SORCS1: variants seen among roughly 807,000 people sequenced by gnomAD.
SORCS1 encodes VPS10 domain-containing receptor SorCS1.
Under a neutral mutation model 146.1 loss-of-function variants are expected in SORCS1, and 60 were observed. The ratio of observed to expected loss-of-function variants is 0.41; its 90% confidence interval spans 0.33 to 0.51. The LOEUF (loss-of-function observed/expected upper bound fraction) is 0.51, where lower values mean the gene tolerates loss of function less well. SORCS1 is among the 20% of genes least tolerant of loss of function. SORCS1 has a pLI of 0.21. For missense variants in SORCS1, 1,352 were observed against 1,487.6 expected (o/e 0.91, Z 1.50); for synonymous variants, 637 against 584.0 (o/e 1.09, Z -1.31).
chr10:106,796,604 TCTC>T (rs1240772366), intron 3 of SORCS1, among the ~76,000 whole-genome samples: 1 of 152,178 alleles, frequency 6.6e-6, no homozygotes, highest in East Asian at 1.9e-4. Flanking sequence ...ATATCTTTCT[TCTC>T]TTTTCCTGGG....
chr10:107,026,076 A>T (rs1958388712), intron 1 of SORCS1, among the ~76,000 whole-genome samples: 1 of 152,148 alleles, frequency 6.6e-6, no homozygotes, highest in Non-Finnish European at 1.5e-5. Flanking sequence ...CCCCACACAC[A>T]TCAAAAGGAA....
intron 3 of SORCS1, among the ~76,000 whole-genome samples, chr10:106,794,440 G>A (rs1946447578): frequency 6.6e-6 from 1 of 151,894 alleles, no homozygotes; most frequent in Non-Finnish European, 1.5e-5. Context: ...ATTAAACACT[G>A]GAAATATTCC....
intron 1 of SORCS1, among the ~76,000 whole-genome samples, chr10:106,989,211 G>T (rs1251684234): frequency 1.4e-5 from 2 of 143,262 alleles, no homozygotes; most frequent in African/African-American, 5.2e-5. Flanking sequence ...CAGAGAATGA[G>T]GTGAGCTGAG....
At chr10:106,684,752 GT>G (rs1286638378) in intron 10 of SORCS1, among the ~76,000 whole-genome samples, 1 of 152,170 alleles carries the variant, frequency 6.6e-6, no homozygotes, top group Non-Finnish European at 1.5e-5. Context: ...TGTGCTTTCA[GT>G]GACACTGTCA....
At chr10:106,922,253 T>C (rs1041624891) in intron 2 of SORCS1, among the ~76,000 whole-genome samples, 2 of 152,136 alleles carry the variant, frequency 1.3e-5, no homozygotes, top group African/African-American at 2.4e-5. Context: ...CAACTACCAC[T>C]GAGCACTAAC....
intron 3 of SORCS1, among the ~76,000 whole-genome samples, chr10:106,796,964 G>A (rs1200643598): frequency 3.9e-5 from 6 of 152,082 alleles, no homozygotes; most frequent in South Asian, 2.1e-4. Context: ...AAAGTTAGCC[G>A]GGCGTGGTGG....
chr10:107,101,121 G>A (rs998137349), intron 1 of SORCS1, among the ~76,000 whole-genome samples: 23 of 152,042 alleles, frequency 1.5e-4, no homozygotes, highest in Admixed American at 5.9e-4. Flanking sequence ...GTGCAATGGC[G>A]CGATCTCGGC....
intron 22 of SORCS1, among the ~76,000 whole-genome samples, chr10:106,609,847 T>C (rs1846856766): frequency 6.6e-6 from 1 of 152,152 alleles, no homozygotes; most frequent in Non-Finnish European, 1.5e-5. Context: ...GGCTGGACAT[T>C]GCTGAGCTAG....
intron 2 of SORCS1, among the ~76,000 whole-genome samples, chr10:106,946,453 T>C (rs1954350166): frequency 1.3e-5 from 2 of 152,318 alleles, no homozygotes; most frequent in Middle Eastern, 3.4e-3. Flanking sequence ...ACTATTTTCA[T>C]GTTAGTGTGT....
the SORCS1 span, among the ~76,000 whole-genome samples, chr10:107,176,461 G>A: frequency 6.6e-6 from 1 of 151,844 alleles, no homozygotes; most frequent in Non-Finnish European, 1.5e-5. Context: ...TCAGCCTCCT[G>A]AGTAACTGGG....
chr10:107,018,679 T>TAA (rs917638661), intron 1 of SORCS1, among the ~76,000 whole-genome samples: 4 of 144,694 alleles, frequency 2.8e-5, no homozygotes, highest in African/African-American at 7.6e-5. Flanking sequence ...GGAAAAAAAT[T>TAA]AAAAAAAAAA....
chr10:107,153,377 A>C (rs1231965074), intron 1 of SORCS1, among the ~76,000 whole-genome samples: 1 of 152,216 alleles, frequency 6.6e-6, no homozygotes, highest in Non-Finnish European at 1.5e-5. Flanking sequence ...ATATATTTAT[A>C]TGTACTTATA....
intron 1 of SORCS1, among the ~76,000 whole-genome samples, chr10:107,128,767 G>C (rs1170841761): frequency 6.6e-6 from 1 of 152,108 alleles, no homozygotes; most frequent in Non-Finnish European, 1.5e-5. Flanking sequence ...TCATAATGCT[G>C]ATGCGTGATG....
intron 10 of SORCS1, among the ~76,000 whole-genome samples, chr10:106,680,987 T>C (rs1230854555): frequency 1.3e-5 from 2 of 152,198 alleles, no homozygotes; most frequent in African/African-American, 4.8e-5. Flanking sequence ...GCCAACAAAG[T>C]AAAACTCTCA....
the SORCS1 span, among the ~76,000 whole-genome samples, chr10:107,178,193 T>C: frequency 6.6e-6 from 1 of 152,148 alleles, no homozygotes; most frequent in Non-Finnish European, 1.5e-5. Flanking sequence ...TGCAGTATAT[T>C]GTTGTTAACT....
At chr10:107,162,020 C>G (rs1969747231) in intron 1 of SORCS1, among the ~76,000 whole-genome samples, 1 of 152,154 alleles carries the variant, frequency 6.6e-6, no homozygotes. Context: ...CTCAGACCTG[C>G]CTGCATGTTC....
At chr10:106,948,322 T>C (rs533540641) in intron 2 of SORCS1, among the ~76,000 whole-genome samples, 11 of 152,198 alleles carry the variant, frequency 7.2e-5, no homozygotes, top group Admixed American at 6.5e-4. Flanking sequence ...TTTTTCTGGC[T>C]CATTGTAATG....
At chr10:106,961,522 C>T (rs185427906) in intron 1 of SORCS1, among the ~76,000 whole-genome samples, 1 of 152,160 alleles carries the variant, frequency 6.6e-6, no homozygotes, top group Non-Finnish European at 1.5e-5. Context: ...AAAAACATAG[C>T]GTCTTCCTCT....
At chr10:106,978,659 G>T (rs571711421) in intron 1 of SORCS1, among the ~76,000 whole-genome samples, 6 of 152,182 alleles carry the variant, frequency 3.9e-5, no homozygotes, top group Admixed American at 3.9e-4. Context: ...TTAGCCAGGT[G>T]TGGTGGCGTG....
Sources: gnomAD v4.1 joint callset for allele counts (sites outside exome capture counted in the v4.1 genomes callset) on GRCh38, gnomAD v4.1.1 for gene constraint, MANE v1.5 for transcripts, NCBI Gene and HGNC (gene_info 2026-07-23, HGNC 2026-07-21) for gene names.